The following RPL37 variants were observed in gnomAD, a reference collection of about 807,000 sequenced individuals.
RPL37 encodes ribosomal protein L37, also known as large ribosomal subunit protein eL37.
Under a neutral mutation model 14.8 loss-of-function variants are expected in RPL37, and 1 was observed. The ratio of observed to expected loss-of-function variants is 0.07; its 90% CI spans 0.02 to 0.32. RPL37 has a LOEUF of 0.32. RPL37 is among the 10% of genes least tolerant of loss of function. The pLI is 1.00. For missense variants in RPL37, 100 were observed against 128.3 expected (o/e 0.78, Z 1.06); for synonymous variants, 53 against 45.8 (o/e 1.16, Z -0.63).
At chr5:40,834,157 T>G (rs773123499) in intron 3 of RPL37, 24 bp downstream of exon 3, 2 of 1,559,086 alleles carry the variant, frequency 1.3e-6, no homozygotes, top group Admixed American at 3.3e-5. Flanking sequence ...CTGGACCAAT[T>G]ATGATCGAAC....
chr5:40,833,040 G>A (rs1439463014), intron 3 of RPL37, among the ~76,000 whole-genome samples: 3 of 152,156 alleles, frequency 2.0e-5, no homozygotes, highest in Non-Finnish European at 4.4e-5. Flanking sequence ...CTCTAAGAAA[G>A]GTCAACTATC....
In RPL37 at chr5:40,834,053, C is replaced by T. The variant is rs1294186465; in HGVS notation, c.224+128G>A. ...TAGTGAAACCCTGCCTCAAAAACAA[C>T]AATAAATAAAAAGCTTCCAACATCT... is the stretch of plus-strand genomic sequence containing the variant. On this transcript the variant is annotated intron_variant, in intron 3 of 3. Coordinates refer to ENST00000274242, the MANE Select transcript of RPL37 (RefSeq NM_000997.5). The T allele has an allele frequency of 7.0e-6, 5 of 709,898 alleles. No individual in the cohort carries two copies. The African/African-American group carries it at 7.1e-5, about 10-fold the overall frequency. 44.0% of individuals were successfully genotyped at this position (709,898 alleles called of 1,614,324 possible).
At position 40,835,212 on chromosome 5, in the gene RPL37, G is replaced by C. The variant is rs372413205; in HGVS notation, c.-27C>G. On this transcript the variant is annotated 5_prime_UTR_variant, in exon 1 of 4. Coordinates refer to ENST00000274242, the MANE Select transcript of RPL37 (RefSeq NM_000997.5). ...TCGCTTCTGCGGCCGAGACCAGAAA[G>C]ACCGGAAGAGAAGGCACTTCCGCTA... is the stretch of plus-strand genomic sequence containing the variant. 1.9e-6 allele frequency: 3 copies of C among 1,613,892 alleles called. No homozygotes were observed. Among genetic ancestry groups the C allele is most frequent in the Admixed American group, 1.7e-5 (1 of 60,016 alleles).
chr5:40,827,030 G>C lies in RPL37; in HGVS notation c.*5474C>G, dbSNP rs543775618. On this transcript the variant is annotated 3_prime_UTR_variant, in exon 4 of 4. Transcript: ENST00000274242. ...TTGGGCTCAAGCCAATGGCACCTCT[G>C]AGCCTCCCAAAGTGCTGGGATGACA... 3.2e-4 allele frequency: 48 copies of C among 152,334 alleles called. No homozygotes were observed. The highest frequency in any genetic ancestry group is 1.1e-3 in the African/African-American group (46 of 41,556). The allele number at this position is 152,334 out of a possible 1,614,324, so 9.4% of individuals were successfully genotyped here.
In RPL37 at chr5:40,828,111, A is replaced by C. The variant is rs1745556449; in HGVS notation, c.*4393T>G. On this transcript the variant is annotated 3_prime_UTR_variant, in exon 4 of 4. Coordinates refer to ENST00000274242, the MANE Select transcript of RPL37 (RefSeq NM_000997.5). ...TTATGCTATTACAAAATTAAGTTTC[A>C]ATTACAGGCAAGGTTAAACTCTGCA... 1 of 152,234 alleles carries C rather than the reference A, an allele frequency of 6.6e-6. No homozygotes were observed. Among genetic ancestry groups the C allele is most frequent in the African/African-American group, 2.4e-5 (1 of 41,448 alleles). 9.4% of individuals were successfully genotyped at this position (152,234 alleles called of 1,614,324 possible). A position where few individuals can be genotyped will look rare whatever the true frequency, so the allele number is the denominator to read the frequency against.
Position 40,831,002 on chromosome 5 carries a change from T to A in RPL37, c.*1502A>T, listed in dbSNP as rs549184036. On this transcript the variant is annotated 3_prime_UTR_variant, in exon 4 of 4. Transcript: ENST00000274242. ...TGGCTCACGCCTGTAATCCTAGCAC[T>A]TTGGGAGGCCGAGGCGGCGGATCAC... is the stretch of plus-strand genomic sequence containing the variant. The A allele has an allele frequency of 3.3e-4, 50 of 151,858 alleles. No homozygotes were observed. Among genetic ancestry groups the A allele is most frequent in the African/African-American group, 1.2e-3 (48 of 41,450 alleles). The allele number at this position is 151,858 out of a possible 1,614,324, so 9.4% of individuals were successfully genotyped here. A position where few individuals can be genotyped will look rare whatever the true frequency, so the allele number is the denominator to read the frequency against.
intron 3 of RPL37, 94 bp downstream of exon 3, chr5:40,834,087 G>C (rs1745706308): frequency 1.1e-6 from 1 of 888,692 alleles, no homozygotes; most frequent in East Asian, 2.4e-5. Flanking sequence ...CTCATCCCCA[G>C]TAACCATCAG....
In RPL37 at chr5:40,832,431, A is replaced by C. The variant is rs975126380; in HGVS notation, c.*73T>G. ...TGATACTACAAGCCTAATTGATTAA[A>C]AATACCTTACCAAAACCAGATATGT... On this transcript the variant is annotated 3_prime_UTR_variant, in exon 4 of 4. Transcript: ENST00000274242. The C allele has an allele frequency of 1.5e-6, 2 of 1,332,686 alleles. No homozygotes were observed. Among genetic ancestry groups the C allele is most frequent in the African/African-American group, 2.9e-5 (2 of 69,300 alleles). The allele number at this position is 1,332,686 out of a possible 1,614,324, so 82.6% of individuals were successfully genotyped here.
At position 40,831,974 on chromosome 5, in the gene RPL37, C is replaced by A. The variant is rs1372954072; in HGVS notation, c.*530G>T. On this transcript the variant is annotated 3_prime_UTR_variant, in exon 4 of 4. Coordinates refer to ENST00000274242, the MANE Select transcript of RPL37 (RefSeq NM_000997.5). ...ACTTAGCTAGCCACCTTACACACAG[C>A]CCACAAGTCAGGTGTGCCAAGTGAG... 1.9e-5 allele frequency: 3 copies of A among 157,232 alleles called. No individual in the cohort carries two copies. Among genetic ancestry groups the A allele is most frequent in the Admixed American group, 6.1e-5 (1 of 16,518 alleles). The allele number at this position is 157,232 out of a possible 1,614,324, so 9.7% of individuals were successfully genotyped here. A position where few individuals can be genotyped will look rare whatever the true frequency, so the allele number is the denominator to read the frequency against.
chr5:40,835,180 C>G lies in RPL37; in HGVS notation c.3+3G>C, dbSNP rs988499158. 6.2e-7 allele frequency: 1 copy of G among 1,614,128 alleles called. No individual in the cohort carries two copies. Among genetic ancestry groups the G allele is most frequent in the South Asian group, 1.1e-5 (1 of 91,082 alleles). ...ATTCACAAACACCACAGTCACAACT[C>G]ACCATCTCGCTTCTGCGGCCGAGAC... On this transcript the variant is annotated splice_donor_region_variant and intron_variant, in intron 1 of 3. Coordinates refer to ENST00000274242, the MANE Select transcript of RPL37 (RefSeq NM_000997.5).
chr5:40,834,922 G>A, intron 1 of RPL37: 5 of 617,390 alleles, frequency 8.1e-6, no homozygotes, highest in East Asian at 5.5e-5. Context: ...TCCCAACCAA[G>A]GCTAGAGCCG....
Position 40,834,582 on chromosome 5 carries a change from T to G in RPL37, c.28A>C (p.Lys10Gln). The change falls in exon 2 of 4, where the codon AAG becomes CAG. Residue 10 changes from lysine (K) to glutamine (Q), a missense_variant. Physicochemically the swap from Lys to Gln is moderately conservative, Grantham distance 53. Transcript: ENST00000274242. ...AACGTGTGCGTCTTATTGCGACGCT[T>G]TCCAAACGATGACGTTCCCTTCGTC... is the stretch of plus-strand genomic sequence containing the variant. Reference protein sequence around the residue: MTKGTSSFGKRRNKTHTLCR... With the variant: MTKGTSSFGQRRNKTHTLCR... The G allele has an allele frequency of 6.2e-7, 1 of 1,613,588 alleles. No homozygotes were observed. The highest frequency in any genetic ancestry group is 1.1e-5 in the South Asian group (1 of 90,974).
In RPL37 at chr5:40,830,284, G is replaced by A. The variant is rs888248776; in HGVS notation, c.*2220C>T. 3 of 152,082 alleles carry A rather than the reference G, an allele frequency of 2.0e-5. No individual in the cohort carries two copies. Among genetic ancestry groups the A allele is most frequent in the African/African-American group, 7.2e-5 (3 of 41,392 alleles). The allele number at this position is 152,082 out of a possible 1,614,324, so 9.4% of individuals were successfully genotyped here. ...TATCTATACATAACTATAACTTAAG[G>A]CAGGACTGAAGTGCTGTTAAAGATA... On this transcript the variant is annotated 3_prime_UTR_variant, in exon 4 of 4. Coordinates refer to ENST00000274242, the MANE Select transcript of RPL37 (RefSeq NM_000997.5).
chr5:40,832,885 T>C (rs1408868635), intron 3 of RPL37: 2 of 413,584 alleles, frequency 4.8e-6, no homozygotes, highest in Non-Finnish European at 9.2e-6. Flanking sequence ...TTTGTGAAAA[T>C]GGTTCCCTAT....
Position 40,826,543 on chromosome 5 carries a change from A to C in RPL37, c.*5961T>G, listed in dbSNP as rs886934626. ...ACCTTCTACTTTGAAACCCAGTGAA[A>C]GGAACTTCAAGGAAGCCCTTCAGAG... On this transcript the variant is annotated 3_prime_UTR_variant, in exon 4 of 4. Transcript: ENST00000274242. 6.6e-6 allele frequency: 1 copy of C among 152,160 alleles called. No homozygotes were observed. The highest frequency in any genetic ancestry group is 6.5e-5 in the Admixed American group (1 of 15,276). 9.4% of individuals were successfully genotyped at this position (152,160 alleles called of 1,614,324 possible). A position where few individuals can be genotyped will look rare whatever the true frequency, so the allele number is the denominator to read the frequency against.
At chr5:40,833,237 C>T (rs114522859) in intron 3 of RPL37, among the ~76,000 whole-genome samples, 73 of 152,202 alleles carry the variant, frequency 4.8e-4, no homozygotes, top group African/African-American at 1.6e-3. Flanking sequence ...CTGGACACTC[C>T]GGAGACTGAG....
intron 3 of RPL37, chr5:40,832,847 T>C (rs899237512): frequency 4.4e-6 from 2 of 458,334 alleles, no homozygotes; most frequent in Non-Finnish European, 4.1e-6. Context: ...AGTATGTTTG[T>C]TCATATTTGG....
At chr5:40,834,010 A>G in intron 3 of RPL37, 171 bp downstream of exon 3, 1 of 608,528 alleles carries the variant, frequency 1.6e-6, no homozygotes, top group South Asian at 1.9e-5. Context: ...GTGCCACTAC[A>G]CTCAAGCCTG....
rs978728067 is a variant in RPL37 at position 40,834,996 on chromosome 5, G to T, written c.3+187C>A. 7 of 745,092 alleles carry T rather than the reference G, an allele frequency of 9.4e-6. 1 individual carries two copies. In the African/African-American group the frequency reaches 1.2e-4, roughly 13 times the overall value. The allele number at this position is 745,092 out of a possible 1,614,324, so 46.2% of individuals were successfully genotyped here. On this transcript the variant is annotated intron_variant, in intron 1 of 3. Coordinates refer to ENST00000274242, the MANE Select transcript of RPL37 (RefSeq NM_000997.5). ...AATGCGGCTCTAGCACCACAATTAC[G>T]GCGGGATAGGTCCCCCAGGCACCAG... is the stretch of plus-strand genomic sequence containing the variant.
Sources: allele counts gnomAD v4.1 joint callset (sites outside exome capture counted in the v4.1 genomes callset), GRCh38; gene constraint gnomAD v4.1.1; transcripts MANE v1.5; gene names NCBI Gene and HGNC (gene_info 2026-07-23, HGNC 2026-07-21).